MACROD2: variants seen among roughly 807,000 people sequenced by gnomAD.
MACROD2 encodes mono-ADP ribosylhydrolase 2.
A neutral mutation model predicts 70.4 loss-of-function variants in MACROD2; 36 were observed. The observed-to-expected ratio is 0.51, with a 90% CI of 0.39 to 0.68. The LOEUF (loss-of-function observed/expected upper bound fraction) is 0.68, where lower values mean the gene tolerates loss of function less well. Ranked by LOEUF, MACROD2 falls within the 30% of genes least tolerant of loss-of-function variation. MACROD2 has a pLI of 0.00. For synonymous variants in MACROD2, 172 were observed against 178.8 expected, an observed-to-expected ratio of 0.96 and a Z score of 0.30; for missense variants, 496 against 538.4, an observed-to-expected ratio of 0.92 and a Z score of 0.78.
chr20:14,641,610 G>A lies in MACROD2; in HGVS notation c.302-43233G>A, dbSNP rs576866772. On this transcript the variant is annotated intron_variant, in intron 4 of 17. Coordinates refer to ENST00000684519, the MANE Select transcript of MACROD2 (RefSeq NM_001351661.2). ...TGATGGGCTACAGAATGGATGTTATGTTAGCATGCAAGAAAACAACATTAA... is the reference window on the plus strand; with the variant it reads ...TGATGGGCTACAGAATGGATGTTATATTAGCATGCAAGAAAACAACATTAA... Among the ~76,000 whole-genome samples, 4 of 152,292 alleles carry A rather than the reference G, an allele frequency of 2.6e-5. No homozygotes were observed. The South Asian group carries it at 8.3e-4, about 32-fold the overall frequency.
At chr20:14,178,008 A>T (rs567662314) in intron 3 of MACROD2, among the ~76,000 whole-genome samples, 1 of 152,312 alleles carries the variant, frequency 6.6e-6, no homozygotes, top group East Asian at 1.9e-4. Flanking sequence ...AATTTAACAC[A>T]TAAAACATTA....
chr20:14,469,071 T>C (rs571785824), intron 3 of MACROD2, among the ~76,000 whole-genome samples: 1 of 152,118 alleles, frequency 6.6e-6, no homozygotes, highest in South Asian at 2.1e-4. Context: ...GGTATCGGTT[T>C]TTTCTTTCCA....
intron 5 of MACROD2, among the ~76,000 whole-genome samples, chr20:14,870,410 G>T (rs1355412180): frequency 1.3e-5 from 2 of 152,098 alleles, no homozygotes; most frequent in Non-Finnish European, 2.9e-5. Flanking sequence ...ACATATGCAT[G>T]CATGTGTCTT....
intron 3 of MACROD2, among the ~76,000 whole-genome samples, chr20:14,144,907 G>A (rs1034889235): frequency 2.6e-5 from 4 of 152,076 alleles, no homozygotes; most frequent in Non-Finnish European, 2.9e-5. Flanking sequence ...TTCTCTCAGG[G>A]CTCATCATGT....
At chr20:15,998,928 C>A (rs1192841966) in intron 15 of MACROD2, among the ~76,000 whole-genome samples, 2 of 151,982 alleles carry the variant, frequency 1.3e-5, no homozygotes, top group Non-Finnish European at 2.9e-5. Context: ...TTAAAAACCT[C>A]ATTTTTGTTC....
chr20:14,743,552 C>G (rs1400546590), intron 5 of MACROD2, among the ~76,000 whole-genome samples: 1 of 152,156 alleles, frequency 6.6e-6, no homozygotes, highest in African/African-American at 2.4e-5. Context: ...GGTTTCTTCC[C>G]AAATGTCCCA....
intron 8 of MACROD2, among the ~76,000 whole-genome samples, chr20:15,696,122 G>T (rs747123025): frequency 6.6e-6 from 1 of 152,126 alleles, no homozygotes; most frequent in Non-Finnish European, 1.5e-5. Context: ...TCTTGTTCCA[G>T]TTCTCAGAGG....
At chr20:15,817,525 CTA>C (rs2063890170) in intron 8 of MACROD2, among the ~76,000 whole-genome samples, 1 of 152,198 alleles carries the variant, frequency 6.6e-6, no homozygotes, top group Non-Finnish European at 1.5e-5. Context: ...TCATACCAAA[CTA>C]TGCCCAAAAT....
chr20:14,220,302 G>C (rs1333011495), intron 3 of MACROD2, among the ~76,000 whole-genome samples: 1 of 152,018 alleles, frequency 6.6e-6, no homozygotes, highest in Non-Finnish European at 1.5e-5. Context: ...AGGTTGTCAG[G>C]GAAGTTGGGG....
intron 6 of MACROD2, among the ~76,000 whole-genome samples, chr20:15,422,674 C>T (rs1351632061): frequency 4.6e-5 from 7 of 152,158 alleles, no homozygotes; most frequent in Non-Finnish European, 8.8e-5. Context: ...CCTCCCATGT[C>T]CAAACACTGT....
At chr20:15,461,006 A>ATATATATATATATATTTTTTTTTTT in intron 7 of MACROD2, among the ~76,000 whole-genome samples, 20 of 66,968 alleles carry the variant, frequency 3.0e-4, no homozygotes, top group African/African-American at 6.8e-4. Context: ...ATATATATAT[A>ATATATATATATATATTTTTTTTTTT]TTTTTTTTTA....
At chr20:15,869,867 A>G (rs536453294) in intron 9 of MACROD2, among the ~76,000 whole-genome samples, 1 of 152,304 alleles carries the variant, frequency 6.6e-6, no homozygotes, top group Admixed American at 6.5e-5. Flanking sequence ...AAATATTGAC[A>G]GACATGTTAT....
At chr20:14,811,465 C>A (rs1181825765) in intron 5 of MACROD2, among the ~76,000 whole-genome samples, 2 of 151,064 alleles carry the variant, frequency 1.3e-5, no homozygotes, top group East Asian at 3.9e-4. Flanking sequence ...TAAATGTAAA[C>A]CATAAAAAGC....
intron 4 of MACROD2, among the ~76,000 whole-genome samples, chr20:14,618,046 T>C (rs1207738348): frequency 6.6e-6 from 1 of 152,142 alleles, no homozygotes; most frequent in Non-Finnish European, 1.5e-5. Flanking sequence ...ACCTGAGTAA[T>C]TGAATGATTT....
chr20:15,028,090 C>T (rs1255002112), intron 5 of MACROD2, among the ~76,000 whole-genome samples: 9 of 152,208 alleles, frequency 5.9e-5, no homozygotes, highest in African/African-American at 2.2e-4. Context: ...CAGCTACATC[C>T]ACATCCCTAG....
chr20:14,977,311 T>G (rs2122823801), intron 5 of MACROD2, among the ~76,000 whole-genome samples: 1 of 151,978 alleles, frequency 6.6e-6, no homozygotes, highest in African/African-American at 2.4e-5. Flanking sequence ...TTTTTTTTTT[T>G]TTTTTTTAAA....
intron 6 of MACROD2, among the ~76,000 whole-genome samples, chr20:15,315,797 T>A (rs2077803072): frequency 6.6e-6 from 1 of 152,136 alleles, no homozygotes; most frequent in Non-Finnish European, 1.5e-5. Context: ...CAGTATTATT[T>A]TATCTTTGGT....
chr20:14,285,979 CAAAAA>C (rs5840605), intron 3 of MACROD2, among the ~76,000 whole-genome samples: 1 of 143,334 alleles, frequency 7.0e-6, no homozygotes. Context: ...ACTCTGCAGC[CAAAAA>C]AAAAAAAAAG....
At chr20:16,047,592 C>T (rs2067400695) in intron 17 of MACROD2, among the ~76,000 whole-genome samples, 1 of 152,090 alleles carries the variant, frequency 6.6e-6, no homozygotes, top group Admixed American at 6.6e-5. Context: ...GGAAGAAGCC[C>T]AGGTTATCCT....
Sources: gnomAD v4.1 joint callset for allele counts (sites outside exome capture counted in the v4.1 genomes callset) on GRCh38, gnomAD v4.1.1 for gene constraint, MANE v1.5 for transcripts, NCBI Gene and HGNC (gene_info 2026-07-23, HGNC 2026-07-21) for gene names.